The following TIAM1 variants were observed in gnomAD, a reference collection of about 807,000 sequenced individuals.
TIAM1 encodes rho guanine nucleotide exchange factor TIAM1.
A neutral mutation model predicts 163.5 loss-of-function variants in TIAM1; 65 were observed. The observed-to-expected ratio is 0.40, with a 90% confidence interval of 0.33 to 0.49. The LOEUF is 0.49. Ranked by LOEUF, TIAM1 falls within the 20% of genes least tolerant of loss-of-function variation. The pLI is 0.77. For synonymous variants in TIAM1, 833 were observed against 810.1 expected (o/e 1.03, Z -0.48); for missense variants, 1,789 against 2,044.7 (o/e 0.87, Z 2.41).
chr21:31,274,779 T>C (rs947853841), intron 3 of TIAM1, among the ~76,000 whole-genome samples: 1 of 152,144 alleles, frequency 6.6e-6, no homozygotes, highest in Non-Finnish European at 1.5e-5. Context: ...ACGTTCAACA[T>C]ACAGACCTTG....
intron 2 of TIAM1, chr21:31,463,880 A>G (rs990946943): frequency 6.6e-6 from 1 of 151,936 alleles, no homozygotes; most frequent in Non-Finnish European, 1.5e-5. Flanking sequence ...GCTAGATAAT[A>G]GACAAATAAG....
At chr21:31,190,725 T>C (rs1246987182) in intron 13 of TIAM1, among the ~76,000 whole-genome samples, 3 of 152,048 alleles carry the variant, frequency 2.0e-5, no homozygotes, top group African/African-American at 7.2e-5. Flanking sequence ...ATTTCAACAG[T>C]AAAGTGTGGG....
chr21:31,291,355 A>T (rs1398697664), intron 2 of TIAM1, among the ~76,000 whole-genome samples: 1 of 152,206 alleles, frequency 6.6e-6, no homozygotes, highest in Non-Finnish European at 1.5e-5. Flanking sequence ...TCTTCCAGAA[A>T]CCTGTCTCTG....
At chr21:31,492,259 G>C (rs923399918) in intron 1 of TIAM1, among the ~76,000 whole-genome samples, 4 of 152,064 alleles carry the variant, frequency 2.6e-5, no homozygotes, top group African/African-American at 9.7e-5. Flanking sequence ...ATTTTAAAAA[G>C]CTACATACCT....
intron 2 of TIAM1, among the ~76,000 whole-genome samples, chr21:31,335,154 G>A (rs1253132862): frequency 1.3e-5 from 2 of 152,178 alleles, no homozygotes; most frequent in Non-Finnish European, 2.9e-5. Flanking sequence ...AACCAGAGAG[G>A]TTCCCGGTTC....
intron 4 of TIAM1, among the ~76,000 whole-genome samples, chr21:31,256,644 C>T (rs845974): frequency 1 from 149,948 of 149,952 alleles, 74,972 homozygotes; most frequent in Non-Finnish European, 1. Flanking sequence ...TTATCTTTGG[C>T]TCTCAGTATT....
intron 1 of TIAM1, among the ~76,000 whole-genome samples, chr21:31,524,851 C>T (rs2047725595): frequency 6.6e-6 from 1 of 152,166 alleles, no homozygotes; most frequent in Non-Finnish European, 1.5e-5. Context: ...GGGAGGCAGA[C>T]ACATCCTTGT....
At chr21:31,410,953 A>T (rs974779797) in intron 2 of TIAM1, among the ~76,000 whole-genome samples, 2 of 152,186 alleles carry the variant, frequency 1.3e-5, no homozygotes, top group Non-Finnish European at 2.9e-5. Context: ...CGATGTTACA[A>T]AGAGCCCCTG....
At chr21:31,290,945 C>A (rs1009493687) in intron 2 of TIAM1, among the ~76,000 whole-genome samples, 3 of 152,170 alleles carry the variant, frequency 2.0e-5, no homozygotes, top group Non-Finnish European at 4.4e-5. Flanking sequence ...CTGGTGATAG[C>A]ACTAGCGCTC....
At chr21:31,214,705 A>T (rs2087084435) in intron 9 of TIAM1, among the ~76,000 whole-genome samples, 1 of 152,212 alleles carries the variant, frequency 6.6e-6, no homozygotes, top group Non-Finnish European at 1.5e-5. Context: ...ATTATCCCTA[A>T]AACAAGAATG....
At chr21:31,426,705 T>C (rs1443395253) in intron 2 of TIAM1, among the ~76,000 whole-genome samples, 1 of 152,138 alleles carries the variant, frequency 6.6e-6, no homozygotes, top group Non-Finnish European at 1.5e-5. Context: ...TTTTCAACTT[T>C]GGTTTTCATG....
chr21:31,398,850 C>G (rs1232704027), intron 2 of TIAM1, among the ~76,000 whole-genome samples: 1 of 152,192 alleles, frequency 6.6e-6, no homozygotes, highest in Non-Finnish European at 1.5e-5. Context: ...CATCTCTTAT[C>G]ACCCAGGCTC....
At chr21:31,434,722 A>G (rs511856) in intron 2 of TIAM1, among the ~76,000 whole-genome samples, 152,313 of 152,314 alleles carry the variant, frequency 1, 76,156 homozygotes, top group Non-Finnish European at 1. Flanking sequence ...CCCAAACGCG[A>G]TAGCTCAGAG....
At chr21:31,383,299 C>G (rs966525220) in intron 2 of TIAM1, among the ~76,000 whole-genome samples, 1 of 152,112 alleles carries the variant, frequency 6.6e-6, no homozygotes. Context: ...AAGAGTAAAG[C>G]TTTTAATCCC....
intron 1 of TIAM1, among the ~76,000 whole-genome samples, chr21:31,499,035 A>C (rs989636546): frequency 6.6e-6 from 1 of 151,992 alleles, no homozygotes; most frequent in Non-Finnish European, 1.5e-5. Flanking sequence ...AAGGAAAGAA[A>C]AGAGGGTCCT....
chr21:31,367,553 T>C (rs749860545), intron 2 of TIAM1, among the ~76,000 whole-genome samples: 16 of 152,136 alleles, frequency 1.1e-4, no homozygotes, highest in Non-Finnish European at 1.8e-4. Context: ...ACCTACCTAA[T>C]AAGTTTGGCA....
intron 18 of TIAM1, 128 bp downstream of exon 18, chr21:31,152,938 A>C (rs942713970): frequency 6.7e-5 from 86 of 1,278,300 alleles, no homozygotes; most frequent in Non-Finnish European, 8.8e-5. Flanking sequence ...GCAGGCAATA[A>C]TTTCAGCTAG....
At chr21:31,307,518 A>G (rs1369863596) in intron 2 of TIAM1, among the ~76,000 whole-genome samples, 1 of 152,128 alleles carries the variant, frequency 6.6e-6, no homozygotes, top group African/African-American at 2.4e-5. Flanking sequence ...GAACAAACAC[A>G]TGGGTTCTAG....
At chr21:31,385,865 T>C (rs978659710) in intron 2 of TIAM1, among the ~76,000 whole-genome samples, 1 of 147,192 alleles carries the variant, frequency 6.8e-6, no homozygotes, top group Non-Finnish European at 1.5e-5. Flanking sequence ...ATATTGATTA[T>C]ATATTAATTA....
Sources: gnomAD v4.1 joint callset for allele counts (sites outside exome capture counted in the v4.1 genomes callset) on GRCh38, gnomAD v4.1.1 for gene constraint, MANE v1.5 for transcripts, NCBI Gene and HGNC (gene_info 2026-07-23, HGNC 2026-07-21) for gene names.